Variants in FER1L5 observed in about 807,000 individuals in gnomAD.
FER1L5 encodes the protein fer-1-like protein 5.
FER1L5 carries 187 observed loss-of-function variants against 279.9 expected under a neutral mutation model. That is an observed-to-expected ratio of 0.67 (90% CI 0.59 to 0.75). The LOEUF (loss-of-function observed/expected upper bound fraction) is 0.75. FER1L5 is among the 30% of genes least tolerant of loss of function. The probability of loss-of-function intolerance (pLI) is 0.00; values close to 1 mark genes in which losing one functional copy is unlikely to be tolerated. For synonymous variants in FER1L5, 921 were observed against 989.7 expected (o/e 0.93, Z 1.30); for missense variants, 2,091 against 2,594.4 (o/e 0.81, Z 4.21).
intron 1 of FER1L5, among the ~76,000 whole-genome samples, chr2:96,643,434 C>A (rs1179588471): frequency 6.6e-6 from 1 of 151,888 alleles, no homozygotes; most frequent in Non-Finnish European, 1.5e-5. Context: ...ACTGCAACCT[C>A]TGCCTCCCAG....
At chr2:96,662,164 C>T in intron 12 of FER1L5, 51 bp from the exon 13 acceptor site, 14 of 1,533,114 alleles carry the variant, frequency 9.1e-6, no homozygotes, top group Non-Finnish European at 1.2e-5. Context: ...CCTATTTCCT[C>T]CTCCTGAAAA....
At chr2:96,675,482 A>C (rs182292166) in intron 19 of FER1L5, among the ~76,000 whole-genome samples, 5 of 152,266 alleles carry the variant, frequency 3.3e-5, no homozygotes, top group East Asian at 1.9e-4. Context: ...GAGGGAGTGC[A>C]ATGGTACAAT....
In FER1L5 at chr2:96,703,192, C is replaced by A; in HGVS notation, c.5537C>A (p.Ala1846Asp). ...ELDLSDMPLP[A>D]RHAKQCSIRM... is the part of the protein sequence containing the mutation. ...GATTTGTCTGACATGCCCCTCCCGG[C>A]TCGGCACGCCAAGCAGTGCTCCATC... is the stretch of plus-strand genomic sequence containing the variant. The change falls in exon 50 of 53, where the codon GCT becomes GAT. Residue 1846 changes from alanine (A) to aspartate (D), a missense_variant. By Grantham distance (126) the Ala-to-Asp change is moderately radical. Coordinates refer to ENST00000624922, the MANE Select transcript of FER1L5 (RefSeq NM_001293083.2). The A allele has an allele frequency of 6.2e-7, 1 of 1,613,418 alleles. No homozygotes were observed. Among genetic ancestry groups the A allele is most frequent in the Non-Finnish European group, 8.5e-7 (1 of 1,179,590 alleles).
At position 96,649,658 on chromosome 2, in the gene FER1L5, C is replaced by T. The variant is rs377603016; in HGVS notation, c.375C>T (p.Asn125=). ...TVTLQVAHMS[N]QDIEKTGAED... The stretch of plus-strand genomic sequence containing the variant: ...CCCTACAGGTGGCCCACATGAGCAA[C>T]CAGGATATTGAGAAGACAGGTATGT... The change falls in exon 5 of 53, where the codon AAC becomes AAT. Residue 125 remains asparagine (N), a synonymous_variant. Transcript: ENST00000624922. 5.7e-5 allele frequency: 88 copies of T among 1,551,468 alleles called. No homozygotes were observed. Among genetic ancestry groups the T allele is most frequent in the Non-Finnish European group, 7.3e-5 (84 of 1,146,964 alleles).
At position 96,687,706 on chromosome 2, in the gene FER1L5, C is replaced by T. The variant is rs535395480; in HGVS notation, c.2230-110C>T. The T allele has an allele frequency of 1.5e-4, 219 of 1,477,446 alleles. No homozygotes were observed. The African/African-American group carries it at 2.1e-3, about 14-fold the overall frequency. 91.5% of individuals were successfully genotyped at this position (1,477,446 alleles called of 1,614,324 possible). ...CCAGCACTCAGCTCAGTGAGGGCCCCGCTCCCAGGGCTCAGGGGGGAAGGG... is the reference window on the plus strand; with the variant it reads ...CCAGCACTCAGCTCAGTGAGGGCCCTGCTCCCAGGGCTCAGGGGGGAAGGG... On this transcript the variant is annotated intron_variant, in intron 23 of 52. Transcript: ENST00000624922.
At position 96,689,801 on chromosome 2, in the gene FER1L5, G is replaced by C; in HGVS notation, c.2640+43G>C. ...TGCCTCGGGTTAGGGGGCAAGCAAG[G>C]CCACCAGGCGGGGCGCCTTGGAAGC... On this transcript the variant is annotated intron_variant, in intron 26 of 52. Coordinates refer to ENST00000624922, the MANE Select transcript of FER1L5 (RefSeq NM_001293083.2). This position sits in a 1 kb window ranked among gnomAD's most constrained non-coding sequence, Gnocchi z 4.6. 6 of 1,472,136 alleles carry C rather than the reference G, an allele frequency of 4.1e-6. No individual in the cohort carries two copies. Among genetic ancestry groups the C allele is most frequent in the Non-Finnish European group, 5.5e-6 (6 of 1,096,610 alleles). The allele number at this position is 1,472,136 out of a possible 1,614,324, so 91.2% of individuals were successfully genotyped here.
At chr2:96,656,684 A>G (rs1250387136) in intron 9 of FER1L5, among the ~76,000 whole-genome samples, 1 of 152,064 alleles carries the variant, frequency 6.6e-6, no homozygotes, top group Non-Finnish European at 1.5e-5. Context: ...CACTCATTGC[A>G]AGTGGTTAAT....
At chr2:96,675,655 G>C (rs2076485498) in intron 19 of FER1L5, among the ~76,000 whole-genome samples, 1 of 152,214 alleles carries the variant, frequency 6.6e-6, no homozygotes, top group Non-Finnish European at 1.5e-5. Flanking sequence ...TTGAACTCCT[G>C]ACCTCAAGTG....
chr2:96,669,179 G>A, intron 17 of FER1L5, 42 bp downstream of exon 17: 2 of 1,529,650 alleles, frequency 1.3e-6, no homozygotes, highest in Non-Finnish European at 8.8e-7. Flanking sequence ...TGGAGGTAGA[G>A]CTTCCCCATG....
rs548582903 is a variant in FER1L5 at position 96,647,250 on chromosome 2, A to C, written c.230+95A>C. Reference sequence around the variant, plus strand: ...TCTAATCCATAACTCACTCAGATGAAGGAATGGAACCCACTCCAGCCAGCT... The same window carrying C: ...TCTAATCCATAACTCACTCAGATGACGGAATGGAACCCACTCCAGCCAGCT... On this transcript the variant is annotated intron_variant, in intron 3 of 52. Coordinates refer to ENST00000624922, the MANE Select transcript of FER1L5 (RefSeq NM_001293083.2). The C allele has an allele frequency of 3.7e-4, 497 of 1,345,756 alleles. 3 individuals are homozygous for C. The African/African-American group carries it at 6.6e-3, about 18-fold the overall frequency. 83.4% of individuals were successfully genotyped at this position (1,345,756 alleles called of 1,614,324 possible).
At chr2:96,671,106 C>CAAAGAAAAAAAAAA (rs2076309500) in intron 18 of FER1L5, among the ~76,000 whole-genome samples, 1 of 40,222 alleles carries the variant, frequency 2.5e-5, no homozygotes, top group Non-Finnish European at 3.9e-5. Flanking sequence ...GACTCCATCT[C>CAAAGAAAAAAAAAA]AAAAAAAAAA....
chr2:96,695,177 G>C (rs2077319536), intron 34 of FER1L5: 1 of 259,470 alleles, frequency 3.9e-6, no homozygotes, highest in African/African-American at 2.2e-5. Flanking sequence ...ACTCCTACCT[G>C]AGAACTGATG....
chr2:96,691,220 C>T lies in FER1L5; in HGVS notation c.2774C>T (p.Ser925Leu), dbSNP rs1381405611. ...GAGTATGGAGTGGGGATCCCACCGT[C>T]GGGCCTGCCCCAGGTCTGGAGCCCG... ...GWEYGVGIPP[S>L]GLPQVWSPVE... Residue 925 changes from serine (S) to leucine (L), a missense_variant, in exon 28 of 53, where the codon TCG becomes TTG. Coordinates refer to ENST00000624922, the MANE Select transcript of FER1L5 (RefSeq NM_001293083.2). The surrounding 1 kb of genome is among the most constrained non-coding windows in gnomAD (Gnocchi z 6.0). 11 of 1,550,066 alleles carry T rather than the reference C, an allele frequency of 7.1e-6. No individual in the cohort carries two copies. Among genetic ancestry groups the T allele is most frequent in the African/African-American group, 1.4e-5 (1 of 73,174 alleles).
In FER1L5 at chr2:96,647,760, T is replaced by C; in HGVS notation, c.231-18T>C. The C allele has an allele frequency of 6.5e-7, 1 of 1,537,762 alleles. No homozygotes were observed. Among genetic ancestry groups the C allele is most frequent in the Non-Finnish European group, 8.8e-7 (1 of 1,134,308 alleles). ...TTCCCCTGGCTCAGGATCTCACATC[T>C]GCTCCTTGTCTCCCCAGATTCATTG... On this transcript the variant is annotated intron_variant, in intron 3 of 52. Transcript: ENST00000624922.
Position 96,669,090 on chromosome 2 carries a change from C to T in FER1L5, c.1315C>T (p.Leu439=), listed in dbSNP as rs762119321. The change falls in exon 17 of 53, where the codon CTG becomes TTG. Residue 439 remains leucine, a synonymous_variant. Coordinates refer to ENST00000624922, the MANE Select transcript of FER1L5 (RefSeq NM_001293083.2). ...LPCFGPSFLT[L]HGGKKAPFRI... is the part of the protein sequence containing the mutation. ...CTGCTTTGGCCCCAGCTTCCTGACT[C>T]TGCATGGGGGTAAAAAGGCCCCTTT... The T allele has an allele frequency of 7.7e-6, 12 of 1,551,606 alleles. No homozygotes were observed. Among genetic ancestry groups the T allele is most frequent in the Non-Finnish European group, 1.0e-5 (12 of 1,147,002 alleles).
chr2:96,656,716 T>C (rs1219089010), intron 9 of FER1L5, among the ~76,000 whole-genome samples: 1 of 151,980 alleles, frequency 6.6e-6, no homozygotes, highest in Non-Finnish European at 1.5e-5. Flanking sequence ...TTTCCTTTTA[T>C]TCTGTTGGTC....
rs2077099896 is a variant in FER1L5 at position 96,690,496 on chromosome 2, C to G, written c.2650C>G (p.Pro884Ala). 6.4e-7 allele frequency: 1 copy of G among 1,551,550 alleles called. No homozygotes were observed. Among genetic ancestry groups the G allele is most frequent in the South Asian group, 1.2e-5 (1 of 84,062 alleles). The change falls in exon 27 of 53, where the codon CCC becomes GCC. Residue 884 changes from proline (P) to alanine (A), a missense_variant. Transcript: ENST00000624922. ...CTCTGTCCACCTGCAGAATGGACAG[C>G]CCATGGAGGCCCGGGAGAACGTGAA... is the stretch of plus-strand genomic sequence containing the variant. ...AIPNTDVNGQPMEARENVKCP... is the reference protein window; with the variant it reads ...AIPNTDVNGQAMEARENVKCP...
intron 20 of FER1L5, among the ~76,000 whole-genome samples, chr2:96,684,884 G>A (rs1237051977): frequency 3.9e-5 from 6 of 152,174 alleles, no homozygotes; most frequent in Non-Finnish European, 5.9e-5. Context: ...CTGCAAAGCC[G>A]CGGCAATGTG....
Position 96,670,143 on chromosome 2 carries a change from G to T in FER1L5, c.1387G>T (p.Gly463Cys), listed in dbSNP as rs2076270570. ...GTGTATTCCCGACTCTGTTAGGGAT[G>T]GTTTAGCTTATCGAGGCCGAGTCTT... is the stretch of plus-strand genomic sequence containing the variant. ...GACIPDSVRD[G>C]LAYRGRVFLE... is the part of the protein sequence containing the mutation. The change falls in exon 18 of 53, where the codon GGT (glycine) becomes TGT (cysteine). Residue 463 changes from glycine to cysteine, a missense_variant. Gly to Cys is a radical substitution (Grantham distance 159, BLOSUM62 -3). Transcript: ENST00000624922. 2 of 1,551,642 alleles carry T rather than the reference G, an allele frequency of 1.3e-6. No individual in the cohort carries two copies. Among genetic ancestry groups the T allele is most frequent in the Non-Finnish European group, 1.7e-6 (2 of 1,146,990 alleles).
Sources: allele counts gnomAD v4.1 joint callset (sites outside exome capture counted in the v4.1 genomes callset), GRCh38; gene constraint gnomAD v4.1.1; non-coding constraint Gnocchi (gnomAD v3.1); transcripts MANE v1.5; gene names NCBI Gene and HGNC (gene_info 2026-07-23, HGNC 2026-07-21).